GSE1: variants seen among roughly 807,000 people sequenced by gnomAD.
The protein encoded by GSE1 is genetic suppressor element 1.
GSE1 carries 32 observed loss-of-function variants against 112.6 expected under a neutral mutation model. That is an observed-to-expected ratio of 0.28 (90% CI 0.21 to 0.38). The LOEUF is 0.38. Among genes scored for constraint, GSE1 ranks in the 10% least tolerant of loss-of-function variants. GSE1 has a pLI of 1.00. For missense variants in GSE1, 2,348 were observed against 1,699.2 expected (o/e 1.38, Z -6.71); for synonymous variants, 1,115 against 735.6 (o/e 1.52, Z -8.35).
chr16:85,395,558 C>G (rs991626054), intron 2 of GSE1, among the ~76,000 whole-genome samples: 7 of 152,234 alleles, frequency 4.6e-5, no homozygotes, highest in African/African-American at 9.6e-5. Flanking sequence ...GCAGCCAGCA[C>G]CCAGCTCTGA....
intron 1 of GSE1, among the ~76,000 whole-genome samples, chr16:85,265,413 C>T (rs1908133879): frequency 6.6e-6 from 1 of 152,178 alleles, no homozygotes; most frequent in African/African-American, 2.4e-5. Context: ...TGTTGAGTCT[C>T]GACCGCCCCA....
At chr16:85,466,471 C>T (rs962006991) in intron 2 of GSE1, among the ~76,000 whole-genome samples, 15 of 152,188 alleles carry the variant, frequency 9.9e-5, no homozygotes, top group Non-Finnish European at 1.8e-4. Context: ...GCCCTCCTGG[C>T]GCACACTGGC....
intron 2 of GSE1, among the ~76,000 whole-genome samples, chr16:85,401,904 C>T (rs1567737851): frequency 6.6e-6 from 1 of 152,238 alleles, no homozygotes; most frequent in Admixed American, 6.5e-5. Flanking sequence ...GTGCTGGTTA[C>T]TGGGCAGCCC....
chr16:85,360,761 C>T (rs776638552), intron 2 of GSE1, among the ~76,000 whole-genome samples: 6 of 151,914 alleles, frequency 3.9e-5, no homozygotes, highest in Non-Finnish European at 7.4e-5. Context: ...GGCATAGGCA[C>T]GGGTGCACGC....
chr16:85,602,785 G>T (rs1280924009), intron 1 of GSE1, among the ~76,000 whole-genome samples: 3 of 152,220 alleles, frequency 2.0e-5, no homozygotes, highest in Admixed American at 6.5e-5. Flanking sequence ...CGGTCCACTG[G>T]TGTCCAGGCT....
chr16:85,202,564 C>T (rs745529855), intron 1 of GSE1, among the ~76,000 whole-genome samples: 6 of 152,178 alleles, frequency 3.9e-5, no homozygotes, highest in Non-Finnish European at 7.4e-5. Context: ...GCTGTGGGCT[C>T]ACCCGAGGCA....
At chr16:85,291,095 C>A (rs1176872467) in intron 1 of GSE1, among the ~76,000 whole-genome samples, 2 of 152,252 alleles carry the variant, frequency 1.3e-5, no homozygotes, top group Non-Finnish European at 2.9e-5. Context: ...GGAATCCTTA[C>A]AGCAGCCCTG....
At chr16:85,210,740 CG>C (rs536256311) in intron 1 of GSE1, among the ~76,000 whole-genome samples, 9 of 152,270 alleles carry the variant, frequency 5.9e-5, no homozygotes, top group African/African-American at 2.2e-4. Context: ...GATTAGGTGA[CG>C]GGGGTGCCAC....
intron 1 of GSE1, among the ~76,000 whole-genome samples, chr16:85,330,997 T>G (rs781609013): frequency 6.6e-6 from 1 of 152,052 alleles, no homozygotes; most frequent in Non-Finnish European, 1.5e-5. Flanking sequence ...AGCCACCTAG[T>G]GGGGAGTTAG....
At chr16:85,295,602 T>C (rs1331710055) in intron 1 of GSE1, among the ~76,000 whole-genome samples, 1 of 152,184 alleles carries the variant, frequency 6.6e-6, no homozygotes, top group Non-Finnish European at 1.5e-5. Context: ...GCACTCTCGA[T>C]GTCAGGAGTG....
chr16:85,608,315 CTG>C (rs1007354144), upstream of GSE1, among the ~76,000 whole-genome samples: 9 of 152,138 alleles, frequency 5.9e-5, no homozygotes, highest in Admixed American at 5.9e-4. Flanking sequence ...TCAGTGCACT[CTG>C]TGGACTTAGC....
intron 2 of GSE1, among the ~76,000 whole-genome samples, chr16:85,425,277 G>T (rs118101533): frequency 0.011 from 1,002 of 87,996 alleles, 5 homozygotes; most frequent in Non-Finnish European, 0.022. Flanking sequence ...GGTGCTGGAG[G>T]ACCCAGAAGG....
intron 4 of GSE1, 148 bp from the exon 5 acceptor site, chr16:85,654,646 G>T: frequency 1.4e-6 from 1 of 711,828 alleles, no homozygotes. Flanking sequence ...CGCTCCCCCC[G>T]CTGCTTAAGC....
intron 1 of GSE1, among the ~76,000 whole-genome samples, chr16:85,203,522 T>C (rs1295180753): frequency 6.6e-6 from 1 of 152,114 alleles, no homozygotes; most frequent in East Asian, 1.9e-4. Context: ...CAGCAGGCCC[T>C]TGGTGCAGGT....
At chr16:85,177,916 C>A (rs886669416) in intron 1 of GSE1, among the ~76,000 whole-genome samples, 5 of 152,230 alleles carry the variant, frequency 3.3e-5, no homozygotes, top group African/African-American at 1.2e-4. Flanking sequence ...GTGTGAGCCT[C>A]TACCCTCATC....
intron 2 of GSE1, among the ~76,000 whole-genome samples, chr16:85,436,238 A>G (rs2049243688): frequency 6.6e-6 from 1 of 152,190 alleles, no homozygotes; most frequent in Non-Finnish European, 1.5e-5. Context: ...GCTCTTAGCA[A>G]AGCAGCCCGT....
chr16:85,538,828 C>T (rs1272486914), intron 2 of GSE1, among the ~76,000 whole-genome samples: 2 of 152,200 alleles, frequency 1.3e-5, no homozygotes, highest in African/African-American at 4.8e-5. Context: ...CTTTAACCTC[C>T]CTCTTGCCCT....
chr16:85,604,368 C>G (rs948765247), intron 1 of GSE1, among the ~76,000 whole-genome samples: 10 of 152,282 alleles, frequency 6.6e-5, no homozygotes, highest in Admixed American at 2.0e-4. Context: ...TAATAGTCCA[C>G]TCACTGTATG....
chr16:85,225,419 A>G (rs1436961948), intron 1 of GSE1, among the ~76,000 whole-genome samples: 2 of 152,316 alleles, frequency 1.3e-5, no homozygotes, highest in East Asian at 3.9e-4. Flanking sequence ...GCAGGAGGCC[A>G]GCAGGGCTGG....
Sources: gnomAD v4.1 joint callset for allele counts (sites outside exome capture counted in the v4.1 genomes callset) on GRCh38, gnomAD v4.1.1 for gene constraint, MANE v1.5 for transcripts, NCBI Gene and HGNC (gene_info 2026-07-23, HGNC 2026-07-21) for gene names.